The following CCNH variants were observed in gnomAD, a reference collection of about 807,000 sequenced individuals.
CCNH encodes cyclin H.
A neutral mutation model predicts 41.9 loss-of-function variants in CCNH; 31 were observed. The observed-to-expected ratio is 0.74, with a 90% CI of 0.56 to 1.00. CCNH has a LOEUF of 1.00. Ranked by LOEUF, CCNH falls within the 50% of genes least tolerant of loss-of-function variation. The pLI, the probability that CCNH is intolerant of heterozygous loss-of-function variation, is 0.00. For synonymous variants in CCNH, 138 were observed against 136.1 expected, an observed-to-expected ratio of 1.01 and a Z score of -0.10; for missense variants, 362 against 388.4, an observed-to-expected ratio of 0.93 and a Z score of 0.57.
At chr5:87,351,588 T>C (rs1403443412) in intron 9 of CCNH, among the ~76,000 whole-genome samples, 1 of 151,812 alleles carries the variant, frequency 6.6e-6, no homozygotes, top group African/African-American at 2.4e-5. Flanking sequence ...AAAGTAAGTT[T>C]ACATTGAATA....
chr5:87,336,232 A>G (rs1298018082), intron 9 of CCNH, among the ~76,000 whole-genome samples: 1 of 152,154 alleles, frequency 6.6e-6, no homozygotes, highest in Non-Finnish European at 1.5e-5. Flanking sequence ...TTAATGAGCT[A>G]TTTTTAAAGG....
intron 9 of CCNH, among the ~76,000 whole-genome samples, chr5:87,368,744 G>T (rs949392366): frequency 6.6e-6 from 1 of 152,078 alleles, no homozygotes; most frequent in Non-Finnish European, 1.5e-5. Context: ...TCTGCTTAGC[G>T]TCTCAGCTAC....
At chr5:87,338,535 A>ATTTTTTTTTTTTT (rs1561292521) in intron 9 of CCNH, among the ~76,000 whole-genome samples, 1 of 95,884 alleles carries the variant, frequency 1.0e-5, no homozygotes, top group Admixed American at 1.1e-4. Flanking sequence ...ATATATATAA[A>ATTTTTTTTTTTTT]ATTTTTTTTT....
intron 9 of CCNH, chr5:87,362,730 C>A (rs527549583): frequency 6.5e-7 from 1 of 1,544,960 alleles, no homozygotes; most frequent in Non-Finnish European, 8.9e-7. Flanking sequence ...TATGGAGCTC[C>A]GAACTTATTG....
chr5:87,328,283 A>G (rs949535210), intron 9 of CCNH, among the ~76,000 whole-genome samples: 11 of 151,490 alleles, frequency 7.3e-5, no homozygotes, highest in Non-Finnish European at 1.3e-4. Flanking sequence ...TATGATTCTT[A>G]TGCTTATGTT....
upstream of CCNH, among the ~76,000 whole-genome samples, chr5:87,380,767 T>G (rs542689211): frequency 2.9e-4 from 44 of 152,340 alleles, 1 homozygote; most frequent in South Asian, 9.1e-3. Flanking sequence ...ACTGTGAGAT[T>G]TAGCTGCCGT....
At chr5:87,344,544 C>T (rs1171551258) in intron 9 of CCNH, among the ~76,000 whole-genome samples, 1 of 151,994 alleles carries the variant, frequency 6.6e-6, no homozygotes, top group East Asian at 1.9e-4. Flanking sequence ...TAGGTTCTTG[C>T]CATTGCCCAA....
At chr5:87,396,466 CA>C (rs911474918) in intron 7 of CCNH, among the ~76,000 whole-genome samples, 1 of 151,074 alleles carries the variant, frequency 6.6e-6, no homozygotes, top group African/African-American at 2.4e-5. Flanking sequence ...ACTAAAAATA[CA>C]AAAAAAAATT....
At chr5:87,378,448 G>A, upstream of CCNH, 12 of 1,612,602 alleles carry the variant, frequency 7.4e-6, no homozygotes, top group Non-Finnish European at 1.0e-5. Context: ...CCTTGATGGA[G>A]CAGTATATGA....
At chr5:87,383,676 T>C (rs1449980030) in intron 9 of CCNH, 23 of 1,400,786 alleles carry the variant, frequency 1.6e-5, no homozygotes, top group Middle Eastern at 1.8e-4. Context: ...ATAGGTGTTT[T>C]CTAAAAAAAA....
intron 9 of CCNH, among the ~76,000 whole-genome samples, chr5:87,359,963 ACT>A (rs1759948773): frequency 2.0e-5 from 3 of 151,940 alleles, no homozygotes; most frequent in Non-Finnish European, 4.4e-5. Context: ...CATCTTGTAA[ACT>A]CTGATTCCAG....
downstream of CCNH, among the ~76,000 whole-genome samples, chr5:87,315,730 A>G (rs1046376965): frequency 6.6e-6 from 1 of 152,178 alleles, no homozygotes; most frequent in African/African-American, 2.4e-5. Context: ...AATAAGTAGC[A>G]CCTTGCGAAT....
chr5:87,366,432 A>G lies in CCNH; in HGVS notation c.*90+26338T>C, dbSNP rs567700516. 3.0e-5 allele frequency: 11 copies of G among 369,344 alleles called. No homozygotes were observed. The East Asian group carries it at 7.3e-4, about 25-fold the overall frequency. 22.9% of individuals were successfully genotyped at this position (369,344 alleles called of 1,614,324 possible). ...TGATGGTAAAAGAGAAAGAATTGCC[A>G]GAGTAAAAAGAAGGATCAGATCCTT... On this transcript the variant is annotated intron_variant and NMD_transcript_variant, in intron 9 of 9. Transcript: ENST00000645953.
downstream of CCNH, among the ~76,000 whole-genome samples, chr5:87,318,177 C>A (rs940570669): frequency 1.3e-5 from 2 of 152,076 alleles, no homozygotes; most frequent in African/African-American, 4.8e-5. Context: ...TCTATTATAA[C>A]CCCCACAAAT....
intron 9 of CCNH, among the ~76,000 whole-genome samples, chr5:87,368,919 C>T (rs1400370111): frequency 6.6e-6 from 1 of 152,102 alleles, no homozygotes; most frequent in Non-Finnish European, 1.5e-5. Flanking sequence ...TAAGTTTTAT[C>T]CAACTAGGGT....
chr5:87,311,491 GT>G, the CCNH span, among the ~76,000 whole-genome samples: 3 of 152,154 alleles, frequency 2.0e-5, no homozygotes, highest in South Asian at 2.1e-4. Flanking sequence ...AGTAATAATA[GT>G]TTATTATAGC....
At chr5:87,409,876 A>G (rs1425831120) in intron 2 of CCNH, among the ~76,000 whole-genome samples, 8 of 152,174 alleles carry the variant, frequency 5.3e-5, no homozygotes, top group Non-Finnish European at 1.2e-4. Context: ...TGGCAGAAGC[A>G]GCACTACCAT....
downstream of CCNH, among the ~76,000 whole-genome samples, chr5:87,388,881 C>G (rs1762255163): frequency 6.6e-6 from 1 of 152,050 alleles, no homozygotes; most frequent in African/African-American, 2.4e-5. Flanking sequence ...GGCATATGTT[C>G]TAGATTTTTT....
the CCNH span, among the ~76,000 whole-genome samples, chr5:87,313,343 G>A: frequency 6.6e-6 from 1 of 152,156 alleles, no homozygotes; most frequent in East Asian, 1.9e-4. Flanking sequence ...CTACCACAGG[G>A]TAGGAGGACA....
Sources: gnomAD v4.1 joint callset for allele counts (sites outside exome capture counted in the v4.1 genomes callset) on GRCh38, gnomAD v4.1.1 for gene constraint, MANE v1.5 for transcripts, NCBI Gene and HGNC (gene_info 2026-07-23, HGNC 2026-07-21) for gene names.